Variants in MYBPC1 observed in about 807,000 individuals in gnomAD.
MYBPC1 encodes the protein myosin-binding protein C, slow-type.
MYBPC1 carries 52 observed loss-of-function variants against 147.1 expected under a neutral mutation model. The ratio of observed to expected loss-of-function variants is 0.35; its 90% CI spans 0.28 to 0.45. MYBPC1 has a LOEUF of 0.45. MYBPC1 is among the 20% of genes least tolerant of loss of function. The pLI is 1.00. For synonymous variants in MYBPC1, 477 were observed against 475.9 expected, an observed-to-expected ratio of 1.00 and a Z score of -0.03; for missense variants, 1,228 against 1,440.3, an observed-to-expected ratio of 0.85 and a Z score of 2.39.
chr12:101,605,498 T>C (rs1382453171), intron 1 of MYBPC1, among the ~76,000 whole-genome samples: 1 of 152,232 alleles, frequency 6.6e-6, no homozygotes, highest in African/African-American at 2.4e-5. Flanking sequence ...AACTAGTGTA[T>C]TATACACACT....
chr12:101,690,483 G>A (rs1951397805), downstream of MYBPC1, among the ~76,000 whole-genome samples: 1 of 152,186 alleles, frequency 6.6e-6, no homozygotes, highest in Non-Finnish European at 1.5e-5. Flanking sequence ...CTCAATGTGG[G>A]ATGTCTGGGT....
chr12:101,677,256 C>T lies in MYBPC1; in HGVS notation c.2971C>T (p.His991Tyr). 6.2e-7 allele frequency: 1 copy of T among 1,613,418 alleles called. No homozygotes were observed. Among genetic ancestry groups the T allele is most frequent in the Non-Finnish European group, 8.5e-7 (1 of 1,179,620 alleles). The change falls in exon 27 of 32, where the codon CAT becomes TAT. Residue 991 changes from histidine to tyrosine, a missense_variant. Coordinates refer to ENST00000361466, the MANE Select transcript of MYBPC1 (RefSeq NM_002465.4). The part of the protein sequence containing the change: ...KSMEWFTVIE[H>Y]YHRTSATITE... ...TTAGGAATGGTTTACTGTCATTGAG[C>T]ATTATCATCGAACCAGTGCCACCAT... is the stretch of plus-strand genomic sequence containing the variant.
At chr12:101,671,053 C>G (rs1309281974) in intron 24 of MYBPC1, among the ~76,000 whole-genome samples, 1 of 151,702 alleles carries the variant, frequency 6.6e-6, no homozygotes, top group South Asian at 2.1e-4. Context: ...CACCTCCAGA[C>G]AGTGCTGTTC....
In MYBPC1 at chr12:101,685,892, A is replaced by G. The variant is rs566637279; in HGVS notation, c.*330A>G. On this transcript the variant is annotated 3_prime_UTR_variant, in exon 32 of 32. Transcript: ENST00000361466. ...CTCATTTGAAGTCAGCACTTTGGTCATTATTATCTCTGCTCACTGTATTAT... is the reference window on the plus strand; with the variant it reads ...CTCATTTGAAGTCAGCACTTTGGTCGTTATTATCTCTGCTCACTGTATTAT... 1.7e-3 allele frequency: 796 copies of G among 461,976 alleles called. No homozygotes were observed. The highest frequency in any genetic ancestry group is 4.5e-3 in the Admixed American group (119 of 26,600). The allele number at this position is 461,976 out of a possible 1,614,324, so 28.6% of individuals were successfully genotyped here.
chr12:101,667,659 C>A (rs1393610444), intron 22 of MYBPC1, 73 bp from the exon 23 acceptor site: 1 of 1,548,874 alleles, frequency 6.5e-7, no homozygotes, highest in Non-Finnish European at 8.9e-7. Context: ...TTGGAGTTGA[C>A]TGTAATGGTT....
intron 31 of MYBPC1, 146 bp from the exon 32 acceptor site, chr12:101,685,436 T>C (rs914483744): frequency 1.6e-6 from 1 of 640,030 alleles, no homozygotes; most frequent in African/African-American, 1.9e-5. Context: ...CAGGAGAAGA[T>C]TTTCCAAGTA....
chr12:101,615,827 C>T (rs1413841750), intron 2 of MYBPC1, among the ~76,000 whole-genome samples: 3 of 152,042 alleles, frequency 2.0e-5, no homozygotes, highest in African/African-American at 7.2e-5. Flanking sequence ...CACACAAAAA[C>T]TTATGAGGCA....
At chr12:101,621,959 T>A (rs2135929484) in intron 3 of MYBPC1, among the ~76,000 whole-genome samples, 1 of 152,320 alleles carries the variant, frequency 6.6e-6, no homozygotes, top group African/African-American at 2.4e-5. Flanking sequence ...ATTTTTACAG[T>A]CTTACAAATG....
At chr12:101,672,577 G>T (rs1898951887) in intron 24 of MYBPC1, among the ~76,000 whole-genome samples, 1 of 152,328 alleles carries the variant, frequency 6.6e-6, no homozygotes, top group African/African-American at 2.4e-5. Context: ...GCCGGGCACG[G>T]TGGCTCACAC....
rs1951224766 is a variant in MYBPC1, at chr12:101,684,391, A to G, written c.3502A>G (p.Asn1168Asp). ...FLEGQQQSLHNKDF is the reference protein window; with the variant it reads ...FLEGQQQSLHDKDF ...TTTCTCTTTTCCTTAGTCATTGCACAATAAGGATTTTTGAATGTATAATAT... is the reference window on the plus strand; with the variant it reads ...TTTCTCTTTTCCTTAGTCATTGCACGATAAGGATTTTTGAATGTATAATAT... Residue 1168 changes from asparagine to aspartate, a missense_variant, in exon 31 of 32, where the codon AAT (asparagine) becomes GAT (aspartate). Coordinates refer to ENST00000361466, the MANE Select transcript of MYBPC1 (RefSeq NM_002465.4). 1 of 1,588,580 alleles carries G rather than the reference A, an allele frequency of 6.3e-7. No homozygotes were observed. The highest frequency in any genetic ancestry group is 1.3e-5 in the African/African-American group (1 of 74,436).
chr12:101,639,979 G>A (rs12304189), intron 10 of MYBPC1, among the ~76,000 whole-genome samples: 2,448 of 152,034 alleles, frequency 0.016, 63 homozygotes, highest in African/African-American at 0.055. Context: ...GGAACACCCC[G>A]CAGAAAATAT....
chr12:101,640,076 G>A (rs914422385), intron 10 of MYBPC1, among the ~76,000 whole-genome samples: 3 of 152,060 alleles, frequency 2.0e-5, no homozygotes, highest in Non-Finnish European at 2.9e-5. Flanking sequence ...GTACAATGGC[G>A]CAATCTTGGC....
the MYBPC1 span, among the ~76,000 whole-genome samples, chr12:101,695,046 A>G: frequency 6.6e-6 from 1 of 152,232 alleles, no homozygotes; most frequent in South Asian, 2.1e-4. Flanking sequence ...GTGTCAGAGT[A>G]CACACATCTT....
chr12:101,618,735 A>G (rs965888050), intron 3 of MYBPC1, among the ~76,000 whole-genome samples: 2 of 152,158 alleles, frequency 1.3e-5, no homozygotes, highest in African/African-American at 4.8e-5. Context: ...ACACAGCGTG[A>G]TGAAAGAGCA....
chr12:101,689,554 G>A (rs1594111679), downstream of MYBPC1, among the ~76,000 whole-genome samples: 1 of 152,146 alleles, frequency 6.6e-6, no homozygotes, highest in Non-Finnish European at 1.5e-5. Context: ...CAGAGGAACA[G>A]CGAGTAGGAG....
At chr12:101,598,700 G>A (rs187833016) in intron 1 of MYBPC1, among the ~76,000 whole-genome samples, 22 of 152,082 alleles carry the variant, frequency 1.4e-4, no homozygotes, top group Admixed American at 9.8e-4. Context: ...CAGCCTCCCC[G>A]GTAGCTAGGA....
At chr12:101,679,046 G>T (rs1476004165) in intron 28 of MYBPC1, among the ~76,000 whole-genome samples, 1 of 151,924 alleles carries the variant, frequency 6.6e-6, no homozygotes, top group Non-Finnish European at 1.5e-5. Context: ...CTACTTGGGA[G>T]GCTGAGGCAG....
chr12:101,687,681 G>A (rs1464670908), downstream of MYBPC1, among the ~76,000 whole-genome samples: 8 of 152,196 alleles, frequency 5.3e-5, no homozygotes, highest in African/African-American at 1.7e-4. Flanking sequence ...AGTCAACGTG[G>A]TCCCTGCAGC....
intron 24 of MYBPC1, among the ~76,000 whole-genome samples, chr12:101,671,761 T>C (rs765609704): frequency 1.2e-4 from 18 of 152,100 alleles, no homozygotes; most frequent in African/African-American, 1.7e-4. Flanking sequence ...TCAGCTTCTG[T>C]CACTGAGTCT....
Sources: gnomAD v4.1 joint callset for allele counts (sites outside exome capture counted in the v4.1 genomes callset) on GRCh38, gnomAD v4.1.1 for gene constraint, MANE v1.5 for transcripts, NCBI Gene and HGNC (gene_info 2026-07-23, HGNC 2026-07-21) for gene names.